SBF2: variants seen among roughly 807,000 people sequenced by gnomAD.
The protein encoded by SBF2 is SET binding factor 2, also known as myotubularin-related protein 13.
SBF2 carries 112 observed loss-of-function variants against 225.2 expected under a neutral mutation model. The observed-to-expected ratio is 0.50, with a 90% CI of 0.43 to 0.58. The LOEUF (loss-of-function observed/expected upper bound fraction) is 0.58, where lower values mean the gene tolerates loss of function less well. Ranked by LOEUF, SBF2 falls within the 20% of genes least tolerant of loss-of-function variation. SBF2 has a pLI of 0.00. For missense variants in SBF2, 1,996 were observed against 2,206.2 expected (o/e 0.90, Z 1.91); for synonymous variants, 763 against 773.3 (o/e 0.99, Z 0.22).
At chr11:9,921,626 C>A (rs1863639858) in intron 16 of SBF2, among the ~76,000 whole-genome samples, 1 of 152,186 alleles carries the variant, frequency 6.6e-6, no homozygotes, top group Non-Finnish European at 1.5e-5. Flanking sequence ...ATTAAAATTA[C>A]TCTATTTGCT....
intron 2 of SBF2, among the ~76,000 whole-genome samples, chr11:10,174,177 C>G (rs914464581): frequency 6.6e-6 from 1 of 152,158 alleles, no homozygotes; most frequent in Non-Finnish European, 1.5e-5. Flanking sequence ...CTTTGACGAG[C>G]TGAGACAAGA....
chr11:9,910,421 TTAC>T (rs1862504153), intron 16 of SBF2, among the ~76,000 whole-genome samples: 1 of 152,166 alleles, frequency 6.6e-6, no homozygotes, highest in Non-Finnish European at 1.5e-5. Flanking sequence ...GCTTATGTAT[TTAC>T]TACACTATAC....
intron 32 of SBF2, among the ~76,000 whole-genome samples, chr11:9,799,609 A>ATTAG: frequency 6.6e-6 from 1 of 152,344 alleles, no homozygotes; most frequent in East Asian, 1.9e-4. Context: ...GTTGATTAGT[A>ATTAG]CCTAGATACC....
intron 2 of SBF2, among the ~76,000 whole-genome samples, chr11:10,182,809 C>G (rs1323295465): frequency 6.6e-6 from 1 of 151,316 alleles, no homozygotes; most frequent in East Asian, 1.9e-4. Flanking sequence ...GAGTCTTGCT[C>G]TGTCGCCAGG....
chr11:10,045,180 T>C (rs1380968878), intron 2 of SBF2, among the ~76,000 whole-genome samples: 1 of 151,842 alleles, frequency 6.6e-6, no homozygotes, highest in Non-Finnish European at 1.5e-5. Context: ...TCTTTTTTTT[T>C]TTTTTTGAGA....
At chr11:10,257,686 A>G (rs1217308787) in intron 1 of SBF2, among the ~76,000 whole-genome samples, 3 of 148,292 alleles carry the variant, frequency 2.0e-5, no homozygotes, top group Non-Finnish European at 4.5e-5. Context: ...AAAAAAAAAA[A>G]AAAAGAAATG....
At position 10,065,793 on chromosome 11, in the gene SBF2, C is replaced by T. The variant is rs558884504; in HGVS notation, c.142-22812G>A. Among the ~76,000 whole-genome samples, 3 of 152,110 alleles carry T rather than the reference C, an allele frequency of 2.0e-5. No individual in the cohort carries two copies. In the East Asian group the frequency reaches 5.8e-4, roughly 29 times the overall value. On this transcript the variant is annotated intron_variant, in intron 2 of 39. Transcript: ENST00000256190. ...TGAAACCCCGTCTCTACTAAAAATA[C>T]AAAAACTAGCCAGGTGTGACGGTGC...
intron 7 of SBF2, among the ~76,000 whole-genome samples, chr11:10,001,620 G>A (rs1947962622): frequency 6.6e-6 from 1 of 152,020 alleles, no homozygotes; most frequent in Non-Finnish European, 1.5e-5. Flanking sequence ...CGCCTCCAGG[G>A]TTCACACCAT....
intron 2 of SBF2, among the ~76,000 whole-genome samples, chr11:10,122,527 T>G (rs1240122634): frequency 6.6e-6 from 1 of 152,244 alleles, no homozygotes; most frequent in Non-Finnish European, 1.5e-5. Flanking sequence ...CCCTCAATTA[T>G]GTGGCACACA....
At chr11:10,045,871 C>T (rs1048092413) in intron 2 of SBF2, among the ~76,000 whole-genome samples, 3 of 151,996 alleles carry the variant, frequency 2.0e-5, no homozygotes, top group Non-Finnish European at 4.4e-5. Flanking sequence ...CTGGTGGATT[C>T]TTTTAAACAT....
At chr11:10,300,513 A>C (rs1317385815) in intron 1 of SBF2, among the ~76,000 whole-genome samples, 2 of 151,128 alleles carry the variant, frequency 1.3e-5, no homozygotes, top group African/African-American at 4.8e-5. Flanking sequence ...AAAAAGAAAA[A>C]AATATATATA....
At chr11:9,788,479 C>T (rs1852515664) in intron 35 of SBF2, among the ~76,000 whole-genome samples, 2 of 152,184 alleles carry the variant, frequency 1.3e-5, no homozygotes, top group Non-Finnish European at 2.9e-5. Flanking sequence ...ACAGAAGCCA[C>T]AGCCAAGACC....
In SBF2 at chr11:10,053,044, G is replaced by A. The variant is rs368675524; in HGVS notation, c.142-10063C>T. Among the ~76,000 whole-genome samples the A allele has an allele frequency of 2.0e-4, 30 of 152,124 alleles. 1 individual carries two copies. The East Asian group carries it at 2.1e-3, about 11-fold the overall frequency. On this transcript the variant is annotated intron_variant, in intron 2 of 39. Transcript: ENST00000256190. ...ATGTGTGTGTGTGTATTTATCCAAA[G>A]GAGGGCATATTGTATATATAGTTAT...
chr11:10,025,214 C>T (rs1389623022), intron 6 of SBF2, among the ~76,000 whole-genome samples: 1 of 152,100 alleles, frequency 6.6e-6, no homozygotes, highest in Non-Finnish European at 1.5e-5. Context: ...ACTTTTACTT[C>T]TATGAGATGG....
chr11:10,123,254 A>G (rs1409980142), intron 2 of SBF2, among the ~76,000 whole-genome samples: 1 of 152,214 alleles, frequency 6.6e-6, no homozygotes, highest in Non-Finnish European at 1.5e-5. Flanking sequence ...AGAAACAGGA[A>G]TAAGAAGGGA....
At chr11:10,051,071 G>A (rs7121704) in intron 2 of SBF2, among the ~76,000 whole-genome samples, 70,048 of 151,724 alleles carry the variant, frequency 0.46, 16,560 homozygotes, top group Admixed American at 0.56. Flanking sequence ...CAATATAAGA[G>A]AAATATACCA....
chr11:9,894,509 C>T (rs1050134768), intron 17 of SBF2, among the ~76,000 whole-genome samples: 4 of 148,134 alleles, frequency 2.7e-5, no homozygotes, highest in Non-Finnish European at 4.5e-5. Context: ...AGAGCGAGAC[C>T]CTGTCACAAA....
chr11:10,200,262 T>C (rs763459109), intron 1 of SBF2, among the ~76,000 whole-genome samples: 1 of 152,182 alleles, frequency 6.6e-6, no homozygotes, highest in Admixed American at 6.5e-5. Context: ...ATTACCTAAC[T>C]CTTAGAGCTC....
chr11:9,892,811 G>C (rs1860947006), intron 17 of SBF2, among the ~76,000 whole-genome samples: 2 of 152,000 alleles, frequency 1.3e-5, no homozygotes, highest in African/African-American at 4.8e-5. Flanking sequence ...CGCCCGCCTC[G>C]GCCTCCCAAA....
Sources: allele counts gnomAD v4.1 joint callset (sites outside exome capture counted in the v4.1 genomes callset), GRCh38; gene constraint gnomAD v4.1.1; transcripts MANE v1.5; gene names NCBI Gene and HGNC (gene_info 2026-07-23, HGNC 2026-07-21).